Variants in ELOA observed in about 807,000 individuals in gnomAD.
ELOA encodes the protein elongin-A.
Under a neutral mutation model 85.2 loss-of-function variants are expected in ELOA, and 15 were observed. The ratio of observed to expected loss-of-function variants is 0.18; its 90% CI spans 0.12 to 0.27. ELOA has a LOEUF of 0.27. ELOA is among the 10% of genes least tolerant of loss of function. The pLI, the probability that ELOA is intolerant of heterozygous loss-of-function variation, is 1.00. For missense variants in ELOA, 769 were observed against 952.7 expected (o/e 0.81, Z 2.54); for synonymous variants, 348 against 357.2 (o/e 0.97, Z 0.29).
intron 9 of ELOA, among the ~76,000 whole-genome samples, 164 bp downstream of exon 9, chr1:23,756,549 G>A (rs1570593974): frequency 6.6e-6 from 1 of 152,246 alleles, no homozygotes; most frequent in Non-Finnish European, 1.5e-5. Context: ...CTCAGCCTCC[G>A]CTTCTTGGAC....
At position 23,761,618 on chromosome 1, in the gene ELOA, G is replaced by C. The variant is rs148380726; in HGVS notation, c.*2045G>C. Reference sequence around the variant, plus strand: ...CTCCCCCAAGAGTATCTACATCAGGGATGTGACTTGGTGCGAAGAGTCAGG... The same window carrying C: ...CTCCCCCAAGAGTATCTACATCAGGCATGTGACTTGGTGCGAAGAGTCAGG... On this transcript the variant is annotated 3_prime_UTR_variant, in exon 11 of 11. Transcript: ENST00000613537. 4 of 152,240 alleles carry C rather than the reference G, an allele frequency of 2.6e-5. No homozygotes were observed. The East Asian group carries it at 7.7e-4, about 29-fold the overall frequency. The allele number at this position is 152,240 out of a possible 1,614,324, so 9.4% of individuals were successfully genotyped here.
In ELOA at chr1:23,760,566, A is replaced by G. The variant is rs938927937; in HGVS notation, c.*993A>G. ...AATCTCTTGTTCTCTGTGAATCACT[A>G]TGAGAAGTGAATGGTTTTAAAGGCT... On this transcript the variant is annotated 3_prime_UTR_variant, in exon 11 of 11. Coordinates refer to ENST00000613537, the MANE Select transcript of ELOA (RefSeq NM_003198.3). 5 of 152,178 alleles carry G rather than the reference A, an allele frequency of 3.3e-5. No homozygotes were observed. Among genetic ancestry groups the G allele is most frequent in the African/African-American group, 1.2e-4 (5 of 41,436 alleles). 9.4% of individuals were successfully genotyped at this position (152,178 alleles called of 1,614,324 possible). A position where few individuals can be genotyped will look rare whatever the true frequency, so the allele number is the denominator to read the frequency against.
chr1:23,756,700 T>A (rs1032086789), intron 9 of ELOA, among the ~76,000 whole-genome samples: 1 of 152,242 alleles, frequency 6.6e-6, no homozygotes, highest in East Asian at 1.9e-4. Flanking sequence ...TGATTGTTAT[T>A]TTGTCTAAGC....
rs201983548 is a variant in ELOA at position 23,757,095 on chromosome 1, T to G, written c.2227T>G (p.Ser743Ala). Residue 743 changes from serine to alanine, a missense_variant, in exon 10 of 11, where the codon TCC becomes GCC. By Grantham distance (99) the Ser-to-Ala change is moderately conservative. This residue lies in a region of ELOA where 116 missense variants were observed against 141.0 expected (regional missense o/e 0.82). Coordinates refer to ENST00000613537, the MANE Select transcript of ELOA (RefSeq NM_003198.3). ...HLAPVVSSTVSYDPRKPTVKK... is the reference protein window; with the variant it reads ...HLAPVVSSTVAYDPRKPTVKK... The stretch of plus-strand genomic sequence containing the variant: ...GGCACCAGTGGTCAGCAGCACTGTT[T>G]CCTATGATCCTAGGAAACCCACTGT... The G allele has an allele frequency of 1.0e-5, 16 of 1,584,284 alleles. No individual in the cohort carries two copies. The highest frequency in any genetic ancestry group is 1.4e-5 in the Non-Finnish European group (16 of 1,170,664).
intron 10 of ELOA, among the ~76,000 whole-genome samples, chr1:23,758,255 ATTTAT>A (rs1383678636): frequency 3.3e-4 from 12 of 36,220 alleles, no homozygotes; most frequent in African/African-American, 1.6e-3. Context: ...CAATTTATTT[ATTTAT>A]TTTTTTTTTT....
intron 2 of ELOA, 116 bp downstream of exon 2, chr1:23,749,193 A>G: frequency 1.2e-6 from 1 of 857,292 alleles, no homozygotes; most frequent in Non-Finnish European, 1.9e-6. Context: ...ACCAGACACA[A>G]AAGGCCATAT....
intron 5 of ELOA, among the ~76,000 whole-genome samples, chr1:23,753,464 A>G (rs1414254061): frequency 2.6e-5 from 4 of 152,192 alleles, no homozygotes; most frequent in African/African-American, 7.2e-5. Flanking sequence ...TATGTGTTAC[A>G]TAGGATTTTT....
intron 7 of ELOA, 101 bp from the exon 8 acceptor site, chr1:23,755,742 T>TGCACTGCA (rs766151775): frequency 8.2e-6 from 10 of 1,221,096 alleles, no homozygotes; most frequent in Non-Finnish European, 1.1e-5. Flanking sequence ...ATTGCACCAC[T>TGCACTGCA]GCACTGCAGT....
chr1:23,757,056 A>G lies in ELOA; in HGVS notation c.2188A>G (p.Ser730Gly). The G allele has an allele frequency of 6.2e-7, 1 of 1,611,238 alleles. No individual in the cohort carries two copies. The highest frequency in any genetic ancestry group is 8.5e-7 in the Non-Finnish European group (1 of 1,179,134). ...GCCGGCCTATGATGGCCCAAGCACC[A>G]GCAGTGCCCACTTGGCACCAGTGGT... ...EEPAYDGPSTSSAHLAPVVSS... is the reference protein window; with the variant it reads ...EEPAYDGPSTGSAHLAPVVSS... Residue 730 changes from serine (S) to glycine (G), a missense_variant, in exon 10 of 11, where the codon AGC becomes GGC. Transcript: ENST00000613537.
At position 23,752,044 on chromosome 1, in the gene ELOA, C is replaced by A; in HGVS notation, c.1425+14C>A. On this transcript the variant is annotated intron_variant, in intron 4 of 10. Transcript: ENST00000613537. ...AAGCTGAGAAAGGTAACCCCTTCAGCCCCTTGGTGGCTTCCCACCCAGAGC... is the reference window on the plus strand; with the variant it reads ...AAGCTGAGAAAGGTAACCCCTTCAGACCCTTGGTGGCTTCCCACCCAGAGC... 1 of 1,573,192 alleles carries A rather than the reference C, an allele frequency of 6.4e-7. No homozygotes were observed. The highest frequency in any genetic ancestry group is 8.6e-7 in the Non-Finnish European group (1 of 1,166,190).
chr1:23,744,645 G>A (rs757079948), intron 1 of ELOA, among the ~76,000 whole-genome samples: 2 of 152,052 alleles, frequency 1.3e-5, no homozygotes, highest in African/African-American at 2.4e-5. Flanking sequence ...TAGAGACAGG[G>A]TTTCACCATC....
intron 1 of ELOA, among the ~76,000 whole-genome samples, chr1:23,745,226 C>T (rs188280976): frequency 3.0e-4 from 46 of 152,314 alleles, no homozygotes; most frequent in Admixed American, 1.6e-3. Flanking sequence ...ACAGTAACCC[C>T]TTGTGGACAT....
chr1:23,743,668 G>T, intron 1 of ELOA, 90 bp downstream of exon 1: 9 of 1,337,848 alleles, frequency 6.7e-6, no homozygotes, highest in East Asian at 3.1e-5. Flanking sequence ...GGGTTCGGGG[G>T]CTGGGACCCT....
chr1:23,752,556 G>A, intron 5 of ELOA, 38 bp downstream of exon 5: 1 of 1,582,724 alleles, frequency 6.3e-7, no homozygotes, highest in Non-Finnish European at 8.6e-7. Flanking sequence ...ATGGGAAAAA[G>A]ATTTAAAAAT....
intron 5 of ELOA, among the ~76,000 whole-genome samples, chr1:23,752,749 C>G (rs1019098608): frequency 3.3e-5 from 5 of 152,098 alleles, no homozygotes; most frequent in East Asian, 1.9e-4. Context: ...TCGAGATTAG[C>G]CTGGCCAACA....
chr1:23,756,496 C>A, intron 9 of ELOA, 111 bp downstream of exon 9: 1 of 917,564 alleles, frequency 1.1e-6, no homozygotes, highest in Non-Finnish European at 1.7e-6. Context: ...AGACTGTGGG[C>A]TCTGGAGGCA....
At position 23,750,902 on chromosome 1, in the gene ELOA, G is replaced by T; in HGVS notation, c.297G>T (p.Arg99=). The T allele has an allele frequency of 1.2e-6, 2 of 1,611,890 alleles. No individual in the cohort carries two copies. The highest frequency in any genetic ancestry group is 1.7e-6 in the Non-Finnish European group (2 of 1,179,372). Residue 99 remains arginine, a synonymous_variant, in exon 4 of 11, where the codon CGG becomes CGT. Coordinates refer to ENST00000613537, the MANE Select transcript of ELOA (RefSeq NM_003198.3). Reference sequence around the variant, plus strand: ...AGAGCAATTCCCGAAAGCGCCCTCGGGATGCCCTGCAGAAGGAGGAGGAGA... The same window carrying T: ...AGAGCAATTCCCGAAAGCGCCCTCGTGATGCCCTGCAGAAGGAGGAGGAGA... ...FEKSNSRKRP[R]DALQKEEEME...
At chr1:23,746,694 G>C (rs1359771098) in intron 1 of ELOA, among the ~76,000 whole-genome samples, 1 of 151,592 alleles carries the variant, frequency 6.6e-6, no homozygotes, top group African/African-American at 2.4e-5. Context: ...GATGGCAGGT[G>C]ACATTAAAAA....
chr1:23,755,362 C>T (rs1313229505), intron 7 of ELOA, among the ~76,000 whole-genome samples: 1 of 152,174 alleles, frequency 6.6e-6, no homozygotes, highest in Non-Finnish European at 1.5e-5. Context: ...TAGTGCCTCA[C>T]ACTTCGCATT....
Sources: gnomAD v4.1 joint callset for allele counts (sites outside exome capture counted in the v4.1 genomes callset) on GRCh38, gnomAD v4.1.1 for gene constraint, gnomAD v4.1.1 regional missense constraint, MANE v1.5 for transcripts, NCBI Gene and HGNC (gene_info 2026-07-23, HGNC 2026-07-21) for gene names.